The following ESRRG variants were observed in gnomAD, a reference collection of about 807,000 sequenced individuals.
The protein encoded by ESRRG is estrogen related receptor gamma, also known as estrogen-related receptor gamma.
Under a neutral mutation model 44.0 loss-of-function variants are expected in ESRRG, and 13 were observed. That is an observed-to-expected ratio of 0.30 (90% CI 0.19 to 0.47). ESRRG has a LOEUF of 0.47. Among genes scored for constraint, ESRRG ranks in the 20% least tolerant of loss-of-function variants. ESRRG has a pLI of 1.00. For synonymous variants in ESRRG, 215 were observed against 214.6 expected (o/e 1.00, Z -0.02); for missense variants, 395 against 580.6 (o/e 0.68, Z 3.29).
Position 216,771,780 on chromosome 1 carries a change from A to G in ESRRG, c.-13-94289T>C, listed in dbSNP as rs1347403761. ...ATAGCATTAGAAATACAGGTGGTAA[A>G]TTTAATTACAGTATTTTTATTTTTA... On this transcript the variant is annotated intron_variant, in intron 2 of 7. Transcript: ENST00000359162. 3.4e-5 allele frequency among the ~76,000 whole-genome samples: 5 copies of G among 148,630 alleles called. No homozygotes were observed. In the East Asian group the frequency reaches 7.9e-4, roughly 23 times the overall value.
chr1:216,760,147 G>T (rs1465813521), intron 2 of ESRRG, among the ~76,000 whole-genome samples: 1 of 151,908 alleles, frequency 6.6e-6, no homozygotes, highest in Non-Finnish European at 1.5e-5. Context: ...TCTCCCCAGC[G>T]CAAGGGACCA....
intron 1 of ESRRG, among the ~76,000 whole-genome samples, chr1:217,035,858 A>G (rs975538290): frequency 1.3e-5 from 2 of 152,178 alleles, no homozygotes; most frequent in Non-Finnish European, 2.9e-5. Flanking sequence ...GAAACTATCA[A>G]CAGAGTAAAC....
chr1:216,758,165 C>T (rs1378792873), intron 2 of ESRRG, among the ~76,000 whole-genome samples: 1 of 152,026 alleles, frequency 6.6e-6, no homozygotes, highest in East Asian at 1.9e-4. Flanking sequence ...CATTCACTTC[C>T]ATTAATTGTC....
intron 5 of ESRRG, among the ~76,000 whole-genome samples, chr1:216,553,281 A>G (rs1051863418): frequency 6.6e-6 from 1 of 152,026 alleles, no homozygotes; most frequent in Non-Finnish European, 1.5e-5. Context: ...TCCTTTCCTA[A>G]TGTAGGTTAA....
intron 2 of ESRRG, among the ~76,000 whole-genome samples, chr1:216,915,985 A>G (rs368182235): frequency 2.6e-5 from 4 of 152,100 alleles, no homozygotes; most frequent in Non-Finnish European, 4.4e-5. Flanking sequence ...CTTCCTTTAT[A>G]TCGTACTTTT....
chr1:216,679,576 T>C (rs2076674240), intron 1 of ESRRG, among the ~76,000 whole-genome samples: 2 of 152,212 alleles, frequency 1.3e-5, no homozygotes, highest in South Asian at 4.2e-4. Context: ...CTATGACAAT[T>C]AACTCTTTCA....
At chr1:217,083,094 C>T (rs993181232) in intron 1 of ESRRG, among the ~76,000 whole-genome samples, 2 of 152,142 alleles carry the variant, frequency 1.3e-5, no homozygotes, top group Non-Finnish European at 2.9e-5. Context: ...TAGAACTGTT[C>T]TTTACATTTT....
chr1:217,043,744 T>C (rs113440327), intron 1 of ESRRG, among the ~76,000 whole-genome samples: 94 of 152,284 alleles, frequency 6.2e-4, no homozygotes, highest in African/African-American at 2.2e-3. Flanking sequence ...ATGTTCTTTA[T>C]ATAGATTGTG....
intron 2 of ESRRG, among the ~76,000 whole-genome samples, chr1:216,923,045 G>A (rs905599857): frequency 1.6e-4 from 24 of 152,116 alleles, no homozygotes; most frequent in Admixed American, 2.6e-4. Flanking sequence ...GGTCCACTCG[G>A]GTTCTTTAAT....
rs967518155 is a variant in ESRRG, at chr1:217,024,007, A to G, written c.-106+65500T>C. Among the ~76,000 whole-genome samples the G allele has an allele frequency of 6.6e-5, 10 of 152,362 alleles. No individual in the cohort carries two copies. The South Asian group carries it at 1.4e-3, about 22-fold the overall frequency. The stretch of plus-strand genomic sequence containing the variant: ...TAAACCTAAAAGATACATTTGAAAC[A>G]CAAAATGGTTTTGTGATTAACAGCA... On this transcript the variant is annotated intron_variant, in intron 1 of 7. Coordinates refer to the ESRRG transcript ENST00000359162.
chr1:216,810,037 A>T (rs1433225890), intron 2 of ESRRG, among the ~76,000 whole-genome samples: 1 of 152,210 alleles, frequency 6.6e-6, no homozygotes, highest in Admixed American at 6.6e-5. Flanking sequence ...AGGACAGTTC[A>T]GTTCACATGA....
At chr1:216,920,814 G>T (rs2061744280) in intron 2 of ESRRG, among the ~76,000 whole-genome samples, 1 of 152,152 alleles carries the variant, frequency 6.6e-6, no homozygotes, top group Non-Finnish European at 1.5e-5. Flanking sequence ...GGAAGGAGCT[G>T]CATGAAAAGG....
At chr1:216,705,583 T>C (rs1052170636) in intron 1 of ESRRG, among the ~76,000 whole-genome samples, 1 of 152,224 alleles carries the variant, frequency 6.6e-6, no homozygotes. Context: ...TAAATCTAGA[T>C]AAAACTCATT....
At chr1:216,538,625 T>A (rs2051732608) in intron 5 of ESRRG, among the ~76,000 whole-genome samples, 1 of 152,010 alleles carries the variant, frequency 6.6e-6, no homozygotes. Flanking sequence ...AGCAAATGCA[T>A]CCCCTAGTTT....
intron 1 of ESRRG, among the ~76,000 whole-genome samples, chr1:216,950,064 A>G (rs911848030): frequency 6.6e-6 from 1 of 150,940 alleles, no homozygotes; most frequent in Non-Finnish European, 1.5e-5. Context: ...CAAACTGCCT[A>G]GGACTCCCAA....
intron 2 of ESRRG, among the ~76,000 whole-genome samples, chr1:216,932,947 A>G (rs182443307): frequency 2.6e-5 from 4 of 151,826 alleles, no homozygotes; most frequent in Admixed American, 2.6e-4. Context: ...TAGCAATCCT[A>G]CTCTAGATAA....
chr1:216,817,614 T>C (rs886607939), intron 2 of ESRRG, among the ~76,000 whole-genome samples: 1 of 152,202 alleles, frequency 6.6e-6, no homozygotes, highest in Non-Finnish European at 1.5e-5. Context: ...CAAAGAAACA[T>C]CTAATATTCC....
chr1:217,044,647 C>T (rs528877736), intron 1 of ESRRG, among the ~76,000 whole-genome samples: 9 of 152,128 alleles, frequency 5.9e-5, no homozygotes, highest in Non-Finnish European at 1.0e-4. Context: ...CTATAAATGA[C>T]ACATAAAGTC....
At chr1:216,818,352 G>C (rs532521521) in intron 2 of ESRRG, among the ~76,000 whole-genome samples, 4 of 152,230 alleles carry the variant, frequency 2.6e-5, no homozygotes, top group Non-Finnish European at 4.4e-5. Flanking sequence ...AGGGAGATGA[G>C]AGTGCCTATC....
Sources: gnomAD v4.1 joint callset for allele counts (sites outside exome capture counted in the v4.1 genomes callset) on GRCh38, gnomAD v4.1.1 for gene constraint, MANE v1.5 for transcripts, NCBI Gene and HGNC (gene_info 2026-07-23, HGNC 2026-07-21) for gene names.